ZSCAN20: variants seen among roughly 807,000 people sequenced by gnomAD.
ZSCAN20 encodes the protein zinc finger and SCAN domain-containing protein 20.
A neutral mutation model predicts 97.1 loss-of-function variants in ZSCAN20; 39 were observed. The ratio of observed to expected loss-of-function variants is 0.40; its 90% CI spans 0.31 to 0.52. The LOEUF (loss-of-function observed/expected upper bound fraction) is 0.52. Among genes scored for constraint, ZSCAN20 ranks in the 20% least tolerant of loss-of-function variants. The pLI, the probability that ZSCAN20 is intolerant of heterozygous loss-of-function variation, is 0.49. For synonymous variants in ZSCAN20, 456 were observed against 467.3 expected, an observed-to-expected ratio of 0.98 and a Z score of 0.31; for missense variants, 1,115 against 1,290.4, an observed-to-expected ratio of 0.86 and a Z score of 2.08.
chr1:33,491,765 T>C lies in ZSCAN20; in HGVS notation c.1444+63T>C. 6.7e-7 allele frequency: 1 copy of C among 1,487,702 alleles called. No individual in the cohort carries two copies. The allele number at this position is 1,487,702 out of a possible 1,614,324, so 92.2% of individuals were successfully genotyped here. A position where few individuals can be genotyped will look rare whatever the true frequency, so the allele number is the denominator to read the frequency against. ...ACCCTCCTACCAGCTAGACTGCTATTCCCTGAGGTCAGGGCACAGGCTGCA... is the reference window on the plus strand; with the variant it reads ...ACCCTCCTACCAGCTAGACTGCTATCCCCTGAGGTCAGGGCACAGGCTGCA... On this transcript the variant is annotated intron_variant, in intron 6 of 7. Coordinates refer to ENST00000684572, the MANE Select transcript of ZSCAN20 (RefSeq NM_001377376.1). This position sits in a 1 kb window ranked among gnomAD's most constrained non-coding sequence, Gnocchi z 4.3.
At chr1:33,480,108 A>G (rs1042371519) in intron 2 of ZSCAN20, among the ~76,000 whole-genome samples, 2 of 152,230 alleles carry the variant, frequency 1.3e-5, no homozygotes, top group African/African-American at 4.8e-5. Flanking sequence ...CTCGTGTTTT[A>G]TACTTAACAA....
chr1:33,493,511 G>A lies in ZSCAN20; in HGVS notation c.1769G>A (p.Cys590Tyr). The A allele has an allele frequency of 6.2e-7, 1 of 1,614,154 alleles. No individual in the cohort carries two copies. The highest frequency in any genetic ancestry group is 8.5e-7 in the Non-Finnish European group (1 of 1,180,006). ...TVREAAGLPR[C>Y]GQSSAETDAQ... ...CGAGAGGCTGCAGGTCTCCCTAGGTGTGGGCAGAGTAGTGCTGAGACTGAT... is the reference window on the plus strand; with the variant it reads ...CGAGAGGCTGCAGGTCTCCCTAGGTATGGGCAGAGTAGTGCTGAGACTGAT... Residue 590 changes from cysteine (C) to tyrosine (Y), a missense_variant, in exon 7 of 8, where the codon TGT becomes TAT. Cys to Tyr is a radical substitution (Grantham distance 194, BLOSUM62 -2). This residue lies in a region of ZSCAN20 where 554 missense variants were observed against 584.9 expected (regional missense o/e 0.95). Transcript: ENST00000684572. This position sits in a 1 kb window ranked among gnomAD's most constrained non-coding sequence, Gnocchi z 4.3.
chr1:33,495,292 G>C lies in ZSCAN20; in HGVS notation c.2948G>C (p.Gly983Ala), dbSNP rs1413618263. The change falls in exon 8 of 8, where the codon GGA becomes GCA. Residue 983 changes from glycine (G) to alanine (A), a missense_variant. Transcript: ENST00000684572. ...NLITHQRIHT[G>A]EKPYKCRECG... is the part of the protein sequence containing the mutation. ...ATTACTCACCAGAGGATTCATACGG[G>C]AGAGAAGCCGTATAAGTGCAGAGAG... is the stretch of plus-strand genomic sequence containing the variant. The C allele has an allele frequency of 5.0e-6, 8 of 1,612,354 alleles. No homozygotes were observed. The highest frequency in any genetic ancestry group is 6.8e-6 in the Non-Finnish European group (8 of 1,178,998).
chr1:33,494,585 T>G lies in ZSCAN20; in HGVS notation c.2241T>G (p.Phe747Leu). 1 of 1,613,550 alleles carries G rather than the reference T, an allele frequency of 6.2e-7. No individual in the cohort carries two copies. The highest frequency in any genetic ancestry group is 8.5e-7 in the Non-Finnish European group (1 of 1,179,674). ...PYKCLECGKN[F>L]SDRSNLNTHQ... Reference sequence around the variant, plus strand: ...AATGCCTTGAATGTGGAAAAAACTTTAGTGACCGCTCTAACCTCAATACCC... The same window carrying G: ...AATGCCTTGAATGTGGAAAAAACTTGAGTGACCGCTCTAACCTCAATACCC... Residue 747 changes from phenylalanine (F) to leucine (L), a missense_variant, in exon 8 of 8, where the codon TTT becomes TTG. This residue lies in a region of ZSCAN20 where 554 missense variants were observed against 584.9 expected (regional missense o/e 0.95). Transcript: ENST00000684572.
intron 1 of ZSCAN20, among the ~76,000 whole-genome samples, chr1:33,475,946 G>A (rs1399291033): frequency 3.3e-5 from 5 of 152,060 alleles, no homozygotes; most frequent in African/African-American, 9.7e-5. Flanking sequence ...GGGATTACAG[G>A]CGTGAGCCAC....
chr1:33,487,438 T>C (rs184917966), intron 2 of ZSCAN20, among the ~76,000 whole-genome samples: 123 of 152,236 alleles, frequency 8.1e-4, no homozygotes, highest in African/African-American at 2.9e-3. Context: ...TTGATGAAGT[T>C]GATTGGGTAA....
chr1:33,475,627 A>G (rs1403099024), intron 1 of ZSCAN20, among the ~76,000 whole-genome samples: 1 of 152,086 alleles, frequency 6.6e-6, no homozygotes, highest in African/African-American at 2.4e-5. Context: ...AACTGGCTGC[A>G]CTATTTAAAT....
In ZSCAN20 at chr1:33,491,203, T is replaced by C. The variant is rs1570561129; in HGVS notation, c.945T>C (p.Asp315=). 6.2e-7 allele frequency: 1 copy of C among 1,614,118 alleles called. No individual in the cohort carries two copies. The highest frequency in any genetic ancestry group is 8.5e-7 in the Non-Finnish European group (1 of 1,180,012). ...CCTGGGAGGAACAATACCAGTGGGA[T>C]GTGGAGGACATGAAGGTGTCAGGTG... ...SRAWEEQYQW[D]VEDMKVSGVH... is the part of the protein sequence containing the mutation. The change falls in exon 6 of 8, where the codon GAT becomes GAC. Residue 315 remains aspartate, a synonymous_variant. Transcript: ENST00000684572. This position sits in a 1 kb window ranked among gnomAD's most constrained non-coding sequence, Gnocchi z 4.3.
At position 33,491,356 on chromosome 1, in the gene ZSCAN20, A is replaced by G. The variant is rs1652600061; in HGVS notation, c.1098A>G (p.Ala366=). Residue 366 remains alanine (A), a synonymous_variant, in exon 6 of 8, where the codon GCA becomes GCG. Coordinates refer to ENST00000684572, the MANE Select transcript of ZSCAN20 (RefSeq NM_001377376.1). The surrounding 1 kb of genome is among the most constrained non-coding windows in gnomAD (Gnocchi z 4.3). ...VYRAIAEQLR[A]RGFLRTLEQC... ...GGGCCATTGCAGAGCAGCTAAGGGC[A>G]AGGGGCTTCCTGCGGACACTGGAGC... The G allele has an allele frequency of 6.2e-7, 1 of 1,614,052 alleles. No individual in the cohort carries two copies. The highest frequency in any genetic ancestry group is 8.5e-7 in the Non-Finnish European group (1 of 1,180,006).
rs768352493 is a variant in ZSCAN20, at chr1:33,489,232, C to G, written c.681+41C>G. On this transcript the variant is annotated intron_variant, in intron 4 of 7. Coordinates refer to ENST00000684572, the MANE Select transcript of ZSCAN20 (RefSeq NM_001377376.1). Reference sequence around the variant, plus strand: ...TTCTTCCTTTCCTGTCATTGCTGCTCCTGTGCTCTTGCCCCCACAGTGTTC... The same window carrying G: ...TTCTTCCTTTCCTGTCATTGCTGCTGCTGTGCTCTTGCCCCCACAGTGTTC... The G allele has an allele frequency of 1.6e-5, 26 of 1,589,764 alleles. No homozygotes were observed. In the South Asian group the frequency reaches 2.6e-4, roughly 16 times the overall value.
At chr1:33,486,184 T>C (rs1432721613) in intron 2 of ZSCAN20, among the ~76,000 whole-genome samples, 1 of 152,116 alleles carries the variant, frequency 6.6e-6, no homozygotes, top group African/African-American at 2.4e-5. Flanking sequence ...CATGAAGAGA[T>C]TTTTCTCTGA....
chr1:33,481,614 T>A (rs756083916), intron 2 of ZSCAN20, among the ~76,000 whole-genome samples: 2 of 152,200 alleles, frequency 1.3e-5, no homozygotes, highest in African/African-American at 4.8e-5. Context: ...TTGCAAGATA[T>A]ATAACTTAGT....
chr1:33,494,393 A>G lies in ZSCAN20; in HGVS notation c.2049A>G (p.Glu683=), dbSNP rs754050097. ...GGCAGTGGGGAAATCCCTCACAGGA[A>G]CAGTGGCAAGAAAGTTCTTCTGAAG... The part of the protein sequence containing the change: ...DEGQWGNPSQ[E]QWQESSSEED... Residue 683 remains glutamate, a synonymous_variant, in exon 8 of 8, where the codon GAA becomes GAG. Coordinates refer to ENST00000684572, the MANE Select transcript of ZSCAN20 (RefSeq NM_001377376.1). The G allele has an allele frequency of 1.2e-6, 2 of 1,614,092 alleles. No homozygotes were observed. Among genetic ancestry groups the G allele is most frequent in the Non-Finnish European group, 1.7e-6 (2 of 1,179,958 alleles).
chr1:33,490,836 C>T (rs1652573913), intron 5 of ZSCAN20, among the ~76,000 whole-genome samples, 189 bp from the exon 6 acceptor site: 1 of 152,148 alleles, frequency 6.6e-6, no homozygotes, highest in South Asian at 2.1e-4. Flanking sequence ...AAACAGGTCA[C>T]TTAACATTTC....
Position 33,494,788 on chromosome 1 carries a change from T to A in ZSCAN20, c.2444T>A (p.Ile815Asn), listed in dbSNP as rs1652787194. 3 of 1,613,990 alleles carry A rather than the reference T, an allele frequency of 1.9e-6. No individual in the cohort carries two copies. The Admixed American group carries it at 5.0e-5, about 27-fold the overall frequency. The change falls in exon 8 of 8, where the codon ATC becomes AAC. Residue 815 changes from isoleucine (I) to asparagine (N), a missense_variant. By Grantham distance (149) the Ile-to-Asn change is moderately radical. Around this residue, in one of 3 missense-constraint regions of ZSCAN20, gnomAD observed 554 missense variants for 584.9 expected, o/e 0.95. Transcript: ENST00000684572. The part of the protein sequence containing the change: ...QSSNLLKHQR[I>N]HLGGNPDQCS... ...TCAAACCTTCTGAAACATCAGAGAA[T>A]CCACTTGGGAGGAAATCCTGACCAG...
At chr1:33,483,687 A>G (rs1652241238) in intron 2 of ZSCAN20, among the ~76,000 whole-genome samples, 1 of 151,654 alleles carries the variant, frequency 6.6e-6, no homozygotes, top group Non-Finnish European at 1.5e-5. Flanking sequence ...AAAAAAAAAA[A>G]AAGAAAAACA....
At chr1:33,481,048 G>C (rs1652136084) in intron 2 of ZSCAN20, among the ~76,000 whole-genome samples, 1 of 152,200 alleles carries the variant, frequency 6.6e-6, no homozygotes, top group African/African-American at 2.4e-5. Flanking sequence ...ACAGTGTGAG[G>C]TTGGGGGAGC....
chr1:33,482,535 T>G (rs1246389474), intron 2 of ZSCAN20, among the ~76,000 whole-genome samples: 1 of 152,234 alleles, frequency 6.6e-6, no homozygotes, highest in Non-Finnish European at 1.5e-5. Context: ...CTGTAAATAT[T>G]CATATGCAGG....
At chr1:33,482,595 A>C (rs906027732) in intron 2 of ZSCAN20, among the ~76,000 whole-genome samples, 3 of 152,234 alleles carry the variant, frequency 2.0e-5, no homozygotes, top group African/African-American at 7.2e-5. Flanking sequence ...ACCAAGGGAC[A>C]TGATTGCTGG....
Sources: allele counts gnomAD v4.1 joint callset (sites outside exome capture counted in the v4.1 genomes callset), GRCh38; gene constraint gnomAD v4.1.1; regional missense constraint gnomAD v4.1.1; non-coding constraint Gnocchi (gnomAD v3.1); transcripts MANE v1.5; gene names NCBI Gene and HGNC (gene_info 2026-07-23, HGNC 2026-07-21).